The following USF3 variants were observed in gnomAD, a reference collection of about 807,000 sequenced individuals.
USF3 encodes the protein upstream transcription factor family member 3, also known as basic helix-loop-helix domain-containing protein USF3.
A neutral mutation model predicts 157.5 loss-of-function variants in USF3; 29 were observed. That is an observed-to-expected ratio of 0.18 (90% CI 0.14 to 0.25). The LOEUF (loss-of-function observed/expected upper bound fraction) is 0.25, where lower values mean the gene tolerates loss of function less well. Ranked by LOEUF, USF3 falls within the 10% of genes least tolerant of loss-of-function variation. USF3 has a pLI of 1.00. For missense variants in USF3, 2,381 were observed against 2,667.6 expected, an observed-to-expected ratio of 0.89 and a Z score of 2.37; for synonymous variants, 893 against 941.4, an observed-to-expected ratio of 0.95 and a Z score of 0.94.
intron 1 of USF3, among the ~76,000 whole-genome samples, chr3:113,691,742 T>G (rs1017741928): frequency 6.6e-6 from 1 of 152,236 alleles, no homozygotes; most frequent in Non-Finnish European, 1.5e-5. Context: ...CATTTGCTGC[T>G]TAGCCAAATT....
rs1044003162 is a variant in USF3 at position 113,655,851 on chromosome 3, T to C, written c.5831A>G (p.His1944Arg). The C allele has an allele frequency of 6.2e-6, 10 of 1,614,040 alleles. No individual in the cohort carries two copies. The African/African-American group carries it at 9.3e-5, about 15-fold the overall frequency. The change falls in exon 7 of 7, where the codon CAT becomes CGT. Residue 1944 changes from histidine (H) to arginine (R), a missense_variant. This residue lies in a region of USF3 where 770 missense variants were observed against 824.2 expected (regional missense o/e 0.93). Coordinates refer to ENST00000316407, the MANE Select transcript of USF3 (RefSeq NM_001009899.4). ...HMNPPVTTNM[H>R]GVARPALPHP... ...TGGCAACGCTGGCCTTGCAACCCCATGCATGTTGGTTGTGACTGGAGGGTT... is the reference window on the plus strand; with the variant it reads ...TGGCAACGCTGGCCTTGCAACCCCACGCATGTTGGTTGTGACTGGAGGGTT...
chr3:113,691,634 C>T (rs1164752504), intron 1 of USF3, among the ~76,000 whole-genome samples: 3 of 152,084 alleles, frequency 2.0e-5, no homozygotes, highest in Non-Finnish European at 4.4e-5. Context: ...CTGAGTTAGC[C>T]CCATGGATCC....
chr3:113,692,211 T>G (rs967579771), intron 1 of USF3, among the ~76,000 whole-genome samples: 2 of 152,156 alleles, frequency 1.3e-5, no homozygotes, highest in African/African-American at 4.8e-5. Context: ...CCTTAGAGGT[T>G]AGACTAAATA....
chr3:113,674,181 T>G (rs545026807), intron 3 of USF3, among the ~76,000 whole-genome samples: 1 of 152,306 alleles, frequency 6.6e-6, no homozygotes, highest in South Asian at 2.1e-4. Context: ...AGAATGTCTA[T>G]TCACACTGAC....
chr3:113,672,741 A>G (rs142788983), intron 4 of USF3, among the ~76,000 whole-genome samples: 210 of 152,264 alleles, frequency 1.4e-3, no homozygotes, highest in African/African-American at 4.9e-3. Flanking sequence ...CATAGATAAA[A>G]TTTTCCCAAG....
At position 113,659,108 on chromosome 3, in the gene USF3, A is replaced by G. The variant is rs1373083043; in HGVS notation, c.2574T>C (p.Ser858=). The change falls in exon 7 of 7, where the codon AGT becomes AGC. Residue 858 remains serine (S), a synonymous_variant. Coordinates refer to ENST00000316407, the MANE Select transcript of USF3 (RefSeq NM_001009899.4). ...AAGAATGTGAAGCAGAAACACTCACACTATTTGCCTGAGACACAGAGACAG... is the reference window on the plus strand; with the variant it reads ...AAGAATGTGAAGCAGAAACACTCACGCTATTTGCCTGAGACACAGAGACAG... ...LPSVSVSQAN[S]VSVSASHSLG... 6.2e-7 allele frequency: 1 copy of G among 1,614,180 alleles called. No homozygotes were observed. The highest frequency in any genetic ancestry group is 1.7e-5 in the Admixed American group (1 of 60,010).
At position 113,656,895 on chromosome 3, in the gene USF3, A is replaced by T; in HGVS notation, c.4787T>A (p.Leu1596His). The T allele has an allele frequency of 6.2e-7, 1 of 1,614,112 alleles. No individual in the cohort carries two copies. The highest frequency in any genetic ancestry group is 8.5e-7 in the Non-Finnish European group (1 of 1,180,030). The change falls in exon 7 of 7, where the codon CTC (leucine) becomes CAC (histidine). Residue 1596 changes from leucine to histidine, a missense_variant. By Grantham distance (99) the Leu-to-His change is moderately conservative. Coordinates refer to ENST00000316407, the MANE Select transcript of USF3 (RefSeq NM_001009899.4). ...RNHHNHPQNH[L>H]NQDIMHQQQD... ...CTGTTGGTGCATAATATCTTGATTG[A>T]GATGGTTCTGGGGATGGTTATGATG...
intron 1 of USF3, among the ~76,000 whole-genome samples, chr3:113,692,861 G>A (rs538047247): frequency 8.5e-5 from 13 of 152,262 alleles, no homozygotes; most frequent in South Asian, 4.1e-4. Context: ...AGTTAACCAC[G>A]TTTCTTTTAG....
At position 113,649,595 on chromosome 3, in the gene USF3, GAGA is replaced by G. The variant is rs923088588; in HGVS notation, c.*5346_*5348del. ...GTGAGAAACATCAGCTGTACTTGTCGAGAAGGTGTCTGATTACACAGCGTGTAC... is the reference window on the plus strand; with the variant it reads ...GTGAGAAACATCAGCTGTACTTGTCGAGGTGTCTGATTACACAGCGTGTAC... On this transcript the variant is annotated 3_prime_UTR_variant, in exon 7 of 7. Transcript: ENST00000316407. 1 of 393,712 alleles carries G rather than the reference GAGA, an allele frequency of 2.5e-6. No homozygotes were observed. Among genetic ancestry groups the G allele is most frequent in the African/African-American group, 2.1e-5 (1 of 48,382 alleles). The allele number at this position is 393,712 out of a possible 1,614,324, so 24.4% of individuals were successfully genotyped here.
chr3:113,658,872 G>A lies in USF3; in HGVS notation c.2810C>T (p.Pro937Leu). ...SSLALSDAAK[P>L]CASANVLIPS... ...AATCAATACATTGGCTGAAGCGCAG[G>A]GTTTGGCAGCATCTGATAATGCTAA... The change falls in exon 7 of 7, where the codon CCC becomes CTC. Residue 937 changes from proline (P) to leucine (L), a missense_variant. By Grantham distance (98) the Pro-to-Leu change is moderately conservative. Transcript: ENST00000316407. The A allele has an allele frequency of 3.7e-6, 6 of 1,614,160 alleles. No homozygotes were observed. The highest frequency in any genetic ancestry group is 5.1e-6 in the Non-Finnish European group (6 of 1,180,026).
rs777073293 is a variant in USF3, at chr3:113,670,150, G to A, written c.130C>T (p.Leu44=). Residue 44 remains leucine, a synonymous_variant, in exon 5 of 7, where the codon CTG becomes TTG. Transcript: ENST00000316407. ...INAGINRIGE[L]IPCSPALKQS... is the part of the protein sequence containing the mutation. Reference sequence around the variant, plus strand: ...TTCAGGGCAGGAGAACATGGGATCAGCTCTCCTATTCTGTTTATCCCAGCA... The same window carrying A: ...TTCAGGGCAGGAGAACATGGGATCAACTCTCCTATTCTGTTTATCCCAGCA... 3.1e-6 allele frequency: 5 copies of A among 1,612,988 alleles called. No homozygotes were observed. Among genetic ancestry groups the A allele is most frequent in the Non-Finnish European group, 4.2e-6 (5 of 1,179,080 alleles).
chr3:113,665,671 C>CA (rs1221639721), intron 5 of USF3, among the ~76,000 whole-genome samples: 15 of 151,442 alleles, frequency 9.9e-5, no homozygotes, highest in Non-Finnish European at 2.2e-4. Flanking sequence ...ATCAAAATTA[C>CA]AAAAAAATTA....
chr3:113,695,585 A>T (rs1294238930), intron 1 of USF3, among the ~76,000 whole-genome samples: 1 of 152,226 alleles, frequency 6.6e-6, no homozygotes, highest in Non-Finnish European at 1.5e-5. Flanking sequence ...GATGGTAAAA[A>T]TGTTACAAGA....
Position 113,652,862 on chromosome 3 carries a change from T to G in USF3, c.*2082A>C, listed in dbSNP as rs1947288893. 1.1e-5 allele frequency: 3 copies of G among 274,408 alleles called. No individual in the cohort carries two copies. The South Asian group carries it at 1.3e-4, about 12-fold the overall frequency. 17.0% of individuals were successfully genotyped at this position (274,408 alleles called of 1,614,324 possible). On this transcript the variant is annotated 3_prime_UTR_variant, in exon 7 of 7. Coordinates refer to ENST00000316407, the MANE Select transcript of USF3 (RefSeq NM_001009899.4). ...TCTCAGCTACTCGGGAGGCTGAGGC[T>G]CAAGAATTTGCTTGAACCCAGGAGG...
intron 6 of USF3, among the ~76,000 whole-genome samples, chr3:113,661,729 AG>A (rs1947489928): frequency 6.6e-6 from 1 of 152,244 alleles, no homozygotes; most frequent in Non-Finnish European, 1.5e-5. Context: ...AGGTGAAGTA[AG>A]GGAAGACATA....
chr3:113,668,609 A>G (rs1319418288), intron 5 of USF3, among the ~76,000 whole-genome samples: 2 of 152,136 alleles, frequency 1.3e-5, no homozygotes, highest in Non-Finnish European at 2.9e-5. Flanking sequence ...CCCAAGTATG[A>G]AAAAAACAGC....
rs201234859 is a variant in USF3 at position 113,657,777 on chromosome 3, G to A, written c.3905C>T (p.Thr1302Ile). The change falls in exon 7 of 7, where the codon ACT becomes ATT. Residue 1302 changes from threonine to isoleucine, a missense_variant. By Grantham distance (89) the Thr-to-Ile change is moderately conservative. Transcript: ENST00000316407. ...MTEYSQEQLN[T>I]MTSTIPNSQI... is the part of the protein sequence containing the mutation. ...TGAATTTGGTATGGTACTAGTCATA[G>A]TATTTAGCTGTTCTTGGGAATATTC... 29 of 1,614,002 alleles carry A rather than the reference G, an allele frequency of 1.8e-5. No homozygotes were observed. Among genetic ancestry groups the A allele is most frequent in the Admixed American group, 5.0e-5 (3 of 60,002 alleles).
intron 4 of USF3, among the ~76,000 whole-genome samples, chr3:113,672,424 C>T (rs539574191): frequency 5.4e-4 from 82 of 152,204 alleles, no homozygotes; most frequent in African/African-American, 1.9e-3. Context: ...CCACGATCGG[C>T]CTATAAGCAC....
intron 4 of USF3, among the ~76,000 whole-genome samples, chr3:113,672,762 T>C (rs151072485): frequency 4.2e-4 from 64 of 152,318 alleles, no homozygotes; most frequent in Middle Eastern, 3.4e-3. Context: ...GGTCCTTTCC[T>C]TAGACAAAGG....
Sources: gnomAD v4.1 joint callset for allele counts (sites outside exome capture counted in the v4.1 genomes callset) on GRCh38, gnomAD v4.1.1 for gene constraint, gnomAD v4.1.1 regional missense constraint, MANE v1.5 for transcripts, NCBI Gene and HGNC (gene_info 2026-07-23, HGNC 2026-07-21) for gene names.